Variants in AKAP12 observed in about 807,000 individuals in gnomAD.
The protein encoded by AKAP12 is A-kinase anchor protein 12.
AKAP12 carries 32 observed loss-of-function variants against 79.9 expected under a neutral mutation model. The ratio of observed to expected loss-of-function variants is 0.40; its 90% CI spans 0.30 to 0.54. The LOEUF is 0.54. Among genes scored for constraint, AKAP12 ranks in the 20% least tolerant of loss-of-function variants. The pLI is 0.48. For synonymous variants in AKAP12, 808 were observed against 857.0 expected, an observed-to-expected ratio of 0.94 and a Z score of 1.00; for missense variants, 2,074 against 2,177.0, an observed-to-expected ratio of 0.95 and a Z score of 0.94.
chr6:151,251,067 TAGA>T (rs1282285923), intron 2 of AKAP12, among the ~76,000 whole-genome samples: 1 of 152,122 alleles, frequency 6.6e-6, no homozygotes, highest in Admixed American at 6.6e-5. Flanking sequence ...GGCTAGGTAA[TAGA>T]AGAATTGCCA....
intron 2 of AKAP12, among the ~76,000 whole-genome samples, chr6:151,259,426 A>T (rs11751679): frequency 6.8e-6 from 1 of 146,286 alleles, no homozygotes; most frequent in Non-Finnish European, 1.5e-5. Context: ...GTATATATAT[A>T]TGTGTGTGTA....
chr6:151,342,280 G>T (rs1406379020), intron 3 of AKAP12, among the ~76,000 whole-genome samples: 1 of 152,262 alleles, frequency 6.6e-6, no homozygotes, highest in Non-Finnish European at 1.5e-5. Flanking sequence ...AGGCTGGAAA[G>T]TACGGTCTAG....
chr6:151,324,022 G>A, intron 3 of AKAP12: 1 of 985,444 alleles, frequency 1.0e-6, no homozygotes, highest in Non-Finnish European at 1.2e-6. Context: ...ACACTCTGGG[G>A]CTGGGATTGG....
intron 2 of AKAP12, among the ~76,000 whole-genome samples, chr6:151,289,919 T>C (rs909563516): frequency 6.6e-6 from 1 of 152,212 alleles, no homozygotes; most frequent in Non-Finnish European, 1.5e-5. Context: ...GGAACTTGGA[T>C]TGTAATTCTT....
At chr6:151,315,815 A>G (rs1224291212) in intron 3 of AKAP12, among the ~76,000 whole-genome samples, 2 of 151,678 alleles carry the variant, frequency 1.3e-5, no homozygotes, top group Admixed American at 1.3e-4. Context: ...AAACTTAACA[A>G]TAATGGCGGA....
intron 2 of AKAP12, among the ~76,000 whole-genome samples, chr6:151,282,255 G>A (rs1034574495): frequency 1.6e-4 from 25 of 151,988 alleles, no homozygotes; most frequent in Non-Finnish European, 3.2e-4. Flanking sequence ...GACTACAGGC[G>A]CGTGCCACCA....
chr6:151,343,118 A>G lies in AKAP12; in HGVS notation c.320-5593A>G, dbSNP rs546688078. 5.3e-5 allele frequency among the ~76,000 whole-genome samples: 8 copies of G among 152,166 alleles called. No homozygotes were observed. The Middle Eastern group carries it at 0.01, about 194-fold the overall frequency. ...CTGGTTCACGAACCTTTATCTCCCT[A>G]GTTTTGACTATAAACATGTCGGCCC... On this transcript the variant is annotated intron_variant, in intron 3 of 4. Transcript: ENST00000402676.
At chr6:151,301,496 A>G (rs1776861845) in intron 2 of AKAP12, among the ~76,000 whole-genome samples, 1 of 152,198 alleles carries the variant, frequency 6.6e-6, no homozygotes, top group Non-Finnish European at 1.5e-5. Context: ...GTGAATTTTT[A>G]ACAACGGTAT....
At position 151,293,871 on chromosome 6, in the gene AKAP12, C is replaced by G. The variant is rs531628291; in HGVS notation, c.163-11876C>G. Reference sequence around the variant, plus strand: ...TGCCTAAGGTCTGTGTTAGATAGATCATATCATGGATCCAGCATAATTAAG... The same window carrying G: ...TGCCTAAGGTCTGTGTTAGATAGATGATATCATGGATCCAGCATAATTAAG... On this transcript the variant is annotated intron_variant, in intron 2 of 4. Coordinates refer to ENST00000402676, the MANE Select transcript of AKAP12 (RefSeq NM_005100.4). Among the ~76,000 whole-genome samples, 7 of 152,236 alleles carry G rather than the reference C, an allele frequency of 4.6e-5. No homozygotes were observed. In the South Asian group the frequency reaches 1.2e-3, roughly 27 times the overall value.
At chr6:151,278,894 C>T (rs1776343386) in intron 2 of AKAP12, among the ~76,000 whole-genome samples, 1 of 151,552 alleles carries the variant, frequency 6.6e-6, no homozygotes, top group South Asian at 2.1e-4. Flanking sequence ...GTCTCGATCT[C>T]CTGACCTTGT....
Position 151,240,405 on chromosome 6 carries a change from C to T in AKAP12, c.-158C>T. ...TAAGGAGTTTGCCGCGAGCGCGTCT[C>T]CTTCATTCGCAGGCTGGGCGCGTTC... On this transcript the variant is annotated 5_prime_UTR_variant, in exon 2 of 5. Transcript: ENST00000402676. 9 of 702,856 alleles carry T rather than the reference C, an allele frequency of 1.3e-5. No individual in the cohort carries two copies. In the South Asian group the frequency reaches 3.5e-4, roughly 27 times the overall value. 43.5% of individuals were successfully genotyped at this position (702,856 alleles called of 1,614,324 possible). A position where few individuals can be genotyped will look rare whatever the true frequency, so the allele number is the denominator to read the frequency against.
chr6:151,323,056 TCTTTACTCC>T (rs1777436838), intron 3 of AKAP12, among the ~76,000 whole-genome samples: 3 of 152,238 alleles, frequency 2.0e-5, no homozygotes, highest in African/African-American at 7.2e-5. Flanking sequence ...TTAGGTCTCA[TCTTTACTCC>T]TGCTTTTATC....
At chr6:151,312,793 CAA>C (rs55685824) in intron 3 of AKAP12, among the ~76,000 whole-genome samples, 16 of 72,994 alleles carry the variant, frequency 2.2e-4, no homozygotes, top group East Asian at 3.9e-4. Context: ...ACTCTGTCTC[CAA>C]AAAAAAAAAA....
At chr6:151,268,361 G>T (rs1458165370) in intron 2 of AKAP12, among the ~76,000 whole-genome samples, 2 of 152,150 alleles carry the variant, frequency 1.3e-5, no homozygotes, top group Non-Finnish European at 2.9e-5. Flanking sequence ...AGGTTGCGGT[G>T]AGCTGAGATC....
intron 2 of AKAP12, among the ~76,000 whole-genome samples, chr6:151,283,297 A>G (rs73780605): frequency 0.045 from 6,829 of 152,320 alleles, 236 homozygotes; most frequent in East Asian, 0.11. Context: ...TACAGACAGC[A>G]TTGAACACAA....
In AKAP12 at chr6:151,345,965, A is replaced by AG. The variant is rs1562750514; in HGVS notation, c.320-2746_320-2745insG. On this transcript the variant is annotated intron_variant, in intron 3 of 4. Transcript: ENST00000402676. ...AGAGAGAGAGAGAGAGAGAGAGAGA[A>AG]AGGAGAGACAGTTGTTTTTAAGCCA... is the stretch of plus-strand genomic sequence containing the variant. 1.3e-4 allele frequency among the ~76,000 whole-genome samples: 16 copies of AG among 125,292 alleles called. No homozygotes were observed. In the South Asian group the frequency reaches 1.5e-3, roughly 12 times the overall value. 82.2% of individuals were successfully genotyped at this position (125,292 alleles called of 152,430 possible).
intron 3 of AKAP12, among the ~76,000 whole-genome samples, chr6:151,342,988 C>T (rs1777992047): frequency 6.6e-6 from 1 of 152,186 alleles, no homozygotes; most frequent in Non-Finnish European, 1.5e-5. Flanking sequence ...GTCTTGAACT[C>T]CTGACCTCAA....
intron 2 of AKAP12, among the ~76,000 whole-genome samples, chr6:151,255,453 G>C (rs568543918): frequency 6.6e-6 from 1 of 151,854 alleles, no homozygotes; most frequent in Non-Finnish European, 1.5e-5. Flanking sequence ...GAGCCACCGC[G>C]CCTGGCTGGG....
At chr6:151,255,763 C>G (rs900696679) in intron 2 of AKAP12, among the ~76,000 whole-genome samples, 9 of 152,076 alleles carry the variant, frequency 5.9e-5, no homozygotes, top group Admixed American at 1.3e-4. Flanking sequence ...GCACTCCAGC[C>G]TGGATGACAG....
Sources: allele counts gnomAD v4.1 joint callset (sites outside exome capture counted in the v4.1 genomes callset), GRCh38; gene constraint gnomAD v4.1.1; transcripts MANE v1.5; gene names NCBI Gene and HGNC (gene_info 2026-07-23, HGNC 2026-07-21).